ARHGAP32: variants seen among roughly 807,000 people sequenced by gnomAD.
ARHGAP32 encodes Rho GTPase activating protein 32.
ARHGAP32 carries 51 observed loss-of-function variants against 186.5 expected under a neutral mutation model. The ratio of observed to expected loss-of-function variants is 0.27; its 90% CI spans 0.22 to 0.35. The LOEUF (loss-of-function observed/expected upper bound fraction) is 0.35, where lower values mean the gene tolerates loss of function less well. Ranked by LOEUF, ARHGAP32 falls within the 10% of genes least tolerant of loss-of-function variation. ARHGAP32 has a pLI of 1.00. For synonymous variants in ARHGAP32, 950 were observed against 964.3 expected, an observed-to-expected ratio of 0.99 and a Z score of 0.27; for missense variants, 2,186 against 2,623.5, an observed-to-expected ratio of 0.83 and a Z score of 3.64.
chr11:128,982,444 C>A (rs1403025452), intron 15 of ARHGAP32, among the ~76,000 whole-genome samples: 1 of 151,270 alleles, frequency 6.6e-6, no homozygotes, highest in East Asian at 1.9e-4. Context: ...GACATGATCA[C>A]CTTAAATGTA....
At chr11:129,217,473 C>A (rs1944661377) in intron 1 of ARHGAP32, among the ~76,000 whole-genome samples, 1 of 152,054 alleles carries the variant, frequency 6.6e-6, no homozygotes, top group South Asian at 2.1e-4. Context: ...ATGTTAAATC[C>A]CAGGCAGTAT....
At position 129,049,688 on chromosome 11, in the gene ARHGAP32, T is replaced by A. The variant is rs1939959069; in HGVS notation, c.964-8679A>T. 2.6e-5 allele frequency among the ~76,000 whole-genome samples: 4 copies of A among 152,230 alleles called. No homozygotes were observed. In the South Asian group the frequency reaches 8.3e-4, roughly 32 times the overall value. On this transcript the variant is annotated intron_variant, in intron 10 of 22. Transcript: ENST00000682385. ...CATGCAGCATATCTTTGAGGATCAC[T>A]CATGTTGCTGTATTTATCAACTGTG...
At chr11:129,019,884 T>G (rs980936286) in intron 11 of ARHGAP32, among the ~76,000 whole-genome samples, 5 of 152,138 alleles carry the variant, frequency 3.3e-5, no homozygotes, top group Non-Finnish European at 7.4e-5. Flanking sequence ...AGTGAAAAAG[T>G]ACCAGACCAA....
Position 128,970,178 on chromosome 11 carries a change from C to T in ARHGAP32, c.5035G>A (p.Gly1679Arg). Reference protein sequence around the residue: ...SSSSSYYSPDGALCDVDAYGT... With the variant: ...SSSSSYYSPDRALCDVDAYGT... ...TAGGCATCCACATCACACAGGGCCC[C>T]ATCTGGACTGTAATAGGAACTAGAA... Residue 1679 changes from glycine (G) to arginine (R), a missense_variant, in exon 23 of 23, where the codon GGG becomes AGG. Around this residue, in one of 5 missense-constraint regions of ARHGAP32, gnomAD observed 1,502 missense variants for 1,570.0 expected, o/e 0.96. Coordinates refer to ENST00000682385, the MANE Select transcript of ARHGAP32 (RefSeq NM_001378024.1). This position sits in a 1 kb window ranked among gnomAD's most constrained non-coding sequence, Gnocchi z 5.8. 6.2e-7 allele frequency: 1 copy of T among 1,614,168 alleles called. No individual in the cohort carries two copies. Among genetic ancestry groups the T allele is most frequent in the South Asian group, 1.1e-5 (1 of 91,090 alleles).
intron 2 of ARHGAP32, among the ~76,000 whole-genome samples, chr11:129,150,209 AG>A (rs1287978108): frequency 6.6e-6 from 1 of 151,758 alleles, no homozygotes; most frequent in Non-Finnish European, 1.5e-5. Context: ...GGTGTTCCTG[AG>A]GAAGAAAAGA....
intron 11 of ARHGAP32, among the ~76,000 whole-genome samples, chr11:129,026,801 GAA>G (rs71057920): frequency 1.8e-5 from 2 of 109,356 alleles, no homozygotes; most frequent in Non-Finnish European, 3.6e-5. Context: ...CTCCATCTTG[GAA>G]AAAAAAAAAA....
intron 1 of ARHGAP32, among the ~76,000 whole-genome samples, chr11:129,181,064 G>A (rs1035721275): frequency 3.9e-5 from 6 of 152,030 alleles, no homozygotes; most frequent in African/African-American, 1.4e-4. Flanking sequence ...GCACCTCAGG[G>A]ACTGTTCACT....
intron 2 of ARHGAP32, among the ~76,000 whole-genome samples, chr11:129,128,958 C>T (rs1391906374): frequency 1.3e-5 from 2 of 152,234 alleles, no homozygotes; most frequent in Non-Finnish European, 2.9e-5. Context: ...AGCTGCCTGC[C>T]TTGGCCTCCC....
upstream of ARHGAP32, among the ~76,000 whole-genome samples, chr11:129,193,518 C>G (rs1944311166): frequency 1.4e-5 from 1 of 72,106 alleles, no homozygotes; most frequent in Non-Finnish European, 2.6e-5. Context: ...ATATGCAGGT[C>G]CCTAGAGCAT....
intron 5 of ARHGAP32, among the ~76,000 whole-genome samples, chr11:129,097,948 G>T (rs1394074477): frequency 6.6e-6 from 1 of 151,994 alleles, no homozygotes; most frequent in Non-Finnish European, 1.5e-5. Flanking sequence ...CACCTGCAAG[G>T]GATCATCAGT....
At chr11:129,196,520 G>A (rs919554180), upstream of ARHGAP32, among the ~76,000 whole-genome samples, 73 of 152,324 alleles carry the variant, frequency 4.8e-4, no homozygotes, top group African/African-American at 1.7e-3. Context: ...AGTGACTTGA[G>A]TATCTACAGA....
At chr11:129,247,870 G>C (rs1422449574) in intron 1 of ARHGAP32, among the ~76,000 whole-genome samples, 1 of 152,134 alleles carries the variant, frequency 6.6e-6, no homozygotes, top group Non-Finnish European at 1.5e-5. Context: ...ATGAAATTCA[G>C]TCAATGGAAA....
chr11:129,258,988 C>G (rs1945289682), intron 1 of ARHGAP32, among the ~76,000 whole-genome samples: 1 of 152,200 alleles, frequency 6.6e-6, no homozygotes, highest in Non-Finnish European at 1.5e-5. Context: ...TTTCTGCACT[C>G]TATCATAACC....
intron 6 of ARHGAP32, among the ~76,000 whole-genome samples, chr11:129,076,413 G>T (rs1309617768): frequency 1.3e-5 from 2 of 152,266 alleles, no homozygotes; most frequent in South Asian, 2.1e-4. Flanking sequence ...CTCTCTTGGG[G>T]TCTGGATCAG....
chr11:129,035,515 C>A (rs923594814), intron 11 of ARHGAP32, among the ~76,000 whole-genome samples: 7 of 152,176 alleles, frequency 4.6e-5, no homozygotes. Flanking sequence ...AAGCCCAAGG[C>A]TGACAGAATT....
intron 9 of ARHGAP32, among the ~76,000 whole-genome samples, 200 bp from the exon 10 acceptor site, chr11:129,062,557 T>C (rs1940544151): frequency 6.6e-6 from 1 of 152,164 alleles, no homozygotes. Flanking sequence ...TACAAAAAGT[T>C]AAGCAGCACA....
chr11:129,027,823 G>C (rs1938927488), intron 11 of ARHGAP32, among the ~76,000 whole-genome samples: 1 of 152,042 alleles, frequency 6.6e-6, no homozygotes, highest in Non-Finnish European at 1.5e-5. Flanking sequence ...TCTCCTTCTA[G>C]TCACACGTGA....
intron 5 of ARHGAP32, among the ~76,000 whole-genome samples, chr11:129,100,964 T>C (rs1245776610): frequency 6.6e-6 from 1 of 152,188 alleles, no homozygotes; most frequent in Non-Finnish European, 1.5e-5. Flanking sequence ...CACCACACTA[T>C]GAAATGCTTT....
At chr11:129,017,322 C>A (rs960935522) in intron 11 of ARHGAP32, among the ~76,000 whole-genome samples, 1 of 151,554 alleles carries the variant, frequency 6.6e-6, no homozygotes, top group Non-Finnish European at 1.5e-5. Flanking sequence ...GGTGTGGTGG[C>A]GGGCACCTGT....
Sources: gnomAD v4.1 joint callset for allele counts (sites outside exome capture counted in the v4.1 genomes callset) on GRCh38, gnomAD v4.1.1 for gene constraint, gnomAD v4.1.1 regional missense constraint, Gnocchi (gnomAD v3.1) non-coding constraint, MANE v1.5 for transcripts, NCBI Gene and HGNC (gene_info 2026-07-23, HGNC 2026-07-21) for gene names.